Variants in MRTFA observed in about 807,000 individuals in gnomAD.
MRTFA encodes myocardin-related transcription factor A.
Under a neutral mutation model 83.5 loss-of-function variants are expected in MRTFA, and 20 were observed. The ratio of observed to expected loss-of-function variants is 0.24; its 90% CI spans 0.17 to 0.35. MRTFA has a LOEUF of 0.35. MRTFA is among the 10% of genes least tolerant of loss of function. The pLI is 1.00. For synonymous variants in MRTFA, 659 were observed against 541.2 expected (o/e 1.22, Z -3.02); for missense variants, 1,200 against 1,224.7 (o/e 0.98, Z 0.30).
rs749359490 is a variant in MRTFA, at chr22:40,479,416, T to C, written c.242-16130A>G. Among the ~76,000 whole-genome samples, 161 of 152,152 alleles carry C rather than the reference T, an allele frequency of 1.1e-3. 1 individual carries two copies. Among genetic ancestry groups the C allele is most frequent in the Non-Finnish European group, 5.0e-4 (34 of 68,026 alleles). The stretch of plus-strand genomic sequence containing the variant: ...CTATAAAATCTGGGGCATCCGCTGC[T>C]GCTGGCCGGCCTTTCCTCTCGCAAG... On this transcript the variant is annotated intron_variant, in intron 3 of 14. Coordinates refer to ENST00000355630, the MANE Select transcript of MRTFA (RefSeq NM_020831.6).
intron 9 of MRTFA, among the ~76,000 whole-genome samples, chr22:40,421,596 T>C (rs1185418680): frequency 2.0e-5 from 3 of 152,200 alleles, no homozygotes; most frequent in African/African-American, 7.2e-5. Context: ...AAAGTCACAA[T>C]GTGATCTTGT....
At chr22:40,515,053 C>A (rs1419218043) in intron 3 of MRTFA, among the ~76,000 whole-genome samples, 2 of 151,764 alleles carry the variant, frequency 1.3e-5, no homozygotes, top group East Asian at 3.9e-4. Flanking sequence ...GGACTACAGG[C>A]AAGCAGCACC....
intron 2 of MRTFA, among the ~76,000 whole-genome samples, chr22:40,562,196 G>A (rs556495708): frequency 1.0e-4 from 15 of 145,798 alleles, no homozygotes; most frequent in Admixed American, 2.8e-4. Context: ...CAGCCTGGGC[G>A]ATAGAGCGAG....
chr22:40,633,497 T>C (rs1394146690), intron 1 of MRTFA, among the ~76,000 whole-genome samples: 2 of 152,222 alleles, frequency 1.3e-5, no homozygotes, highest in African/African-American at 4.8e-5. Flanking sequence ...GTTTTTTAAA[T>C]ACACTTAAAT....
intron 4 of MRTFA, among the ~76,000 whole-genome samples, chr22:40,458,640 A>G (rs2053638280): frequency 6.6e-6 from 1 of 152,156 alleles, no homozygotes; most frequent in Non-Finnish European, 1.5e-5. Flanking sequence ...CAAAATTCAA[A>G]GGAGAAGAAT....
At chr22:40,534,170 A>G (rs2055128732) in intron 3 of MRTFA, among the ~76,000 whole-genome samples, 1 of 152,184 alleles carries the variant, frequency 6.6e-6, no homozygotes, top group South Asian at 2.1e-4. Context: ...ATATATACAA[A>G]ATGTAAGCTC....
chr22:40,634,071 G>A (rs1167428579), intron 1 of MRTFA, among the ~76,000 whole-genome samples: 2 of 151,772 alleles, frequency 1.3e-5, no homozygotes, highest in Non-Finnish European at 2.9e-5. Context: ...GCTTATAACT[G>A]GTATATCAGA....
chr22:40,610,288 T>A (rs1370343823), intron 1 of MRTFA, among the ~76,000 whole-genome samples: 1 of 152,132 alleles, frequency 6.6e-6, no homozygotes, highest in Non-Finnish European at 1.5e-5. Flanking sequence ...CCTGAGATGA[T>A]CCACCAGCCT....
intron 1 of MRTFA, among the ~76,000 whole-genome samples, chr22:40,610,909 C>T (rs2056379443): frequency 6.7e-6 from 1 of 149,658 alleles, no homozygotes; most frequent in African/African-American, 2.5e-5. Context: ...TTTGTGTTCA[C>T]CAAAGAGAGT....
In MRTFA at chr22:40,410,378, A is replaced by ATGAG. The variant is rs2052462684; in HGVS notation, c.*1008_*1011dup. ...TTGGTGACTCCACCCCTACTCCCCT[A>ATGAG]TGAGTCAGCCCAGAATGTGAAGCCA... On this transcript the variant is annotated 3_prime_UTR_variant, in exon 15 of 15. Transcript: ENST00000355630. The ATGAG allele has an allele frequency of 4.1e-6, 1 of 242,234 alleles. No individual in the cohort carries two copies. The highest frequency in any genetic ancestry group is 5.6e-5 in the Admixed American group (1 of 17,742). The allele number at this position is 242,234 out of a possible 1,614,324, so 15.0% of individuals were successfully genotyped here. A position where few individuals can be genotyped will look rare whatever the true frequency, so the allele number is the denominator to read the frequency against.
At chr22:40,436,687 G>A in intron 4 of MRTFA, among the ~76,000 whole-genome samples, 1 of 150,668 alleles carries the variant, frequency 6.6e-6, no homozygotes, top group South Asian at 2.1e-4. Context: ...CTCTGAGGAT[G>A]AGAGGGAAAG....
At chr22:40,567,927 AAATGAACCATG>A (rs2055729957) in intron 2 of MRTFA, among the ~76,000 whole-genome samples, 1 of 152,214 alleles carries the variant, frequency 6.6e-6, no homozygotes, top group African/African-American at 2.4e-5. Flanking sequence ...CTACTTTATA[AAATGAACCATG>A]AATATTTTCC....
chr22:40,626,627 G>T (rs2056584923), intron 1 of MRTFA, among the ~76,000 whole-genome samples: 1 of 152,004 alleles, frequency 6.6e-6, no homozygotes, highest in Non-Finnish European at 1.5e-5. Context: ...CATTTTAAAG[G>T]AAAGACAATA....
chr22:40,480,504 A>T (rs1159868774), intron 3 of MRTFA, among the ~76,000 whole-genome samples: 1 of 152,122 alleles, frequency 6.6e-6, no homozygotes, highest in African/African-American at 2.4e-5. Flanking sequence ...CATACTTACT[A>T]ACTAGGGGAA....
At chr22:40,460,552 T>C (rs1314492484) in intron 4 of MRTFA, among the ~76,000 whole-genome samples, 1 of 152,228 alleles carries the variant, frequency 6.6e-6, no homozygotes, top group Non-Finnish European at 1.5e-5. Flanking sequence ...CCATGCCTCT[T>C]ACTTCTTTAA....
intron 1 of MRTFA, among the ~76,000 whole-genome samples, chr22:40,607,577 T>C (rs1280455054): frequency 6.6e-6 from 1 of 151,792 alleles, no homozygotes; most frequent in African/African-American, 2.4e-5. Flanking sequence ...TCTTAAGGAT[T>C]ATTTTATTTC....
intron 3 of MRTFA, among the ~76,000 whole-genome samples, chr22:40,470,509 C>T (rs2053891293): frequency 6.6e-6 from 1 of 151,134 alleles, no homozygotes; most frequent in Non-Finnish European, 1.5e-5. Context: ...AAAAGAAGAT[C>T]TGAAATACAT....
chr22:40,636,121 G>A (rs1401712864), intron 1 of MRTFA, among the ~76,000 whole-genome samples: 1 of 152,238 alleles, frequency 6.6e-6, no homozygotes, highest in Non-Finnish European at 1.5e-5. Flanking sequence ...AGACCCCAGA[G>A]AAAGCGGCCG....
At chr22:40,582,005 T>C (rs1414516837) in intron 2 of MRTFA, among the ~76,000 whole-genome samples, 1 of 152,240 alleles carries the variant, frequency 6.6e-6, no homozygotes, top group Non-Finnish European at 1.5e-5. Flanking sequence ...GTGGAACCAT[T>C]ACTACTAGCT....
Sources: allele counts gnomAD v4.1 joint callset (sites outside exome capture counted in the v4.1 genomes callset), GRCh38; gene constraint gnomAD v4.1.1; transcripts MANE v1.5; gene names NCBI Gene and HGNC (gene_info 2026-07-23, HGNC 2026-07-21).